Variants in EFHB observed in about 807,000 individuals in gnomAD.
EFHB encodes the protein EF-hand domain-containing family member B.
Under a neutral mutation model 87.2 loss-of-function variants are expected in EFHB, and 91 were observed. The observed-to-expected ratio is 1.04, with a 90% CI of 0.88 to 1.24. The LOEUF (loss-of-function observed/expected upper bound fraction) is 1.24, where lower values mean the gene tolerates loss of function less well. EFHB is among the 50% of genes most tolerant of loss of function. The pLI is 0.00. For missense variants in EFHB, 1,084 were observed against 998.8 expected, an observed-to-expected ratio of 1.09 and a Z score of -1.15; for synonymous variants, 325 against 333.6, an observed-to-expected ratio of 0.97 and a Z score of 0.28.
At chr3:19,939,141 A>G (rs1342152368), upstream of EFHB, among the ~76,000 whole-genome samples, 1 of 150,546 alleles carries the variant, frequency 6.6e-6, no homozygotes, top group African/African-American at 2.5e-5. Flanking sequence ...TCCTGACCTC[A>G]GGTGATCCAC....
At chr3:19,925,732 G>A (rs559669559) in intron 1 of EFHB, among the ~76,000 whole-genome samples, 35 of 152,144 alleles carry the variant, frequency 2.3e-4, no homozygotes, top group Non-Finnish European at 4.7e-4. Flanking sequence ...CAAGATTCAA[G>A]TCAACTCAGG....
rs927223569 is a variant in EFHB at position 19,917,389 on chromosome 3, A to G, written c.1177+843T>C. Among the ~76,000 whole-genome samples, 12 of 152,202 alleles carry G rather than the reference A, an allele frequency of 7.9e-5. 1 individual carries two copies. Among genetic ancestry groups the G allele is most frequent in the South Asian group, 2.1e-4 (1 of 4,836 alleles). ...GATTTTACATTCCAAAGTATAATCT[A>G]TCTTCAGAGTAGATGTCACTACCTT... On this transcript the variant is annotated intron_variant, in intron 4 of 12. Transcript: ENST00000295824.
At position 19,933,649 on chromosome 3, in the gene EFHB, G is replaced by A. The variant is rs113286461; in HGVS notation, c.370C>T (p.Arg124Trp). 3.7e-6 allele frequency: 6 copies of A among 1,613,828 alleles called. No individual in the cohort carries two copies. The highest frequency in any genetic ancestry group is 5.1e-6 in the Non-Finnish European group (6 of 1,179,904). The stretch of plus-strand genomic sequence containing the variant: ...CTGCCCAAAGGAGGCTGTATTATCC[G>A]TTCATGGGTATATCCTGCAAGAAGA... Reference protein sequence around the residue: ...ESLLAGYTHERIIQPPLGRVC... With the variant: ...ESLLAGYTHEWIIQPPLGRVC... Residue 124 changes from arginine (R) to tryptophan (W), a missense_variant, in exon 1 of 13, where the codon CGG becomes TGG. Transcript: ENST00000295824.
In EFHB at chr3:19,888,633, C is replaced by G. The variant is rs747406287; in HGVS notation, c.1744G>C (p.Asp582His). 3 of 1,605,956 alleles carry G rather than the reference C, an allele frequency of 1.9e-6. No individual in the cohort carries two copies. Among genetic ancestry groups the G allele is most frequent in the South Asian group, 1.1e-5 (1 of 89,134 alleles). Reference sequence around the variant, plus strand: ...CAAGCTTCCTGCAGCTCGTCTTTATCTATCATCCCATCTCCCTTCTGTTAT... The same window carrying G: ...CAAGCTTCCTGCAGCTCGTCTTTATGTATCATCCCATCTCCCTTCTGTTAT... ...HYDKKGDGMI[D>H]KDELQEACDQ... Residue 582 changes from aspartate to histidine, a missense_variant, in exon 10 of 13, where the codon GAT becomes CAT. By Grantham distance (81) the Asp-to-His change is moderately conservative (BLOSUM62 -1). Transcript: ENST00000295824.
At chr3:19,904,790 C>T (rs551212301) in intron 6 of EFHB, among the ~76,000 whole-genome samples, 4 of 152,298 alleles carry the variant, frequency 2.6e-5, no homozygotes, top group Non-Finnish European at 5.9e-5. Flanking sequence ...GCCATCAGGA[C>T]ATAGACATAT....
upstream of EFHB, among the ~76,000 whole-genome samples, chr3:19,935,141 C>G (rs1208319180): frequency 6.6e-6 from 1 of 152,110 alleles, no homozygotes; most frequent in Non-Finnish European, 1.5e-5. Context: ...AAACACCTGA[C>G]CTCAAGTGAT....
chr3:19,936,008 CA>C (rs751728589), upstream of EFHB: 58,551 of 538,432 alleles, frequency 0.11, no homozygotes, highest in East Asian at 0.17. Flanking sequence ...GACTCCATCT[CA>C]AAAAAAAAAA....
chr3:19,935,664 T>C (rs995466453), upstream of EFHB, among the ~76,000 whole-genome samples: 48 of 151,956 alleles, frequency 3.2e-4, no homozygotes, highest in Admixed American at 2.1e-3. Flanking sequence ...TGAGCCTTGA[T>C]GGTGCCACGA....
chr3:19,889,443 G>A (rs1694224090), intron 9 of EFHB, among the ~76,000 whole-genome samples: 1 of 152,092 alleles, frequency 6.6e-6, no homozygotes, highest in Non-Finnish European at 1.5e-5. Context: ...GGGAGCTTTG[G>A]CCCCCTCAGA....
intron 5 of EFHB, among the ~76,000 whole-genome samples, chr3:19,908,600 G>GA (rs1490691389): frequency 1.2e-4 from 12 of 97,276 alleles, no homozygotes; most frequent in African/African-American, 3.0e-4. Context: ...GAGAGAGAGA[G>GA]AAAGAAAGAA....
At chr3:19,903,274 T>C (rs1694732603) in intron 6 of EFHB, among the ~76,000 whole-genome samples, 1 of 152,136 alleles carries the variant, frequency 6.6e-6, no homozygotes, top group Admixed American at 6.5e-5. Context: ...AAGCATGCAC[T>C]GCACACTGTT....
At position 19,933,566 on chromosome 3, in the gene EFHB, A is replaced by G. The variant is rs763249128; in HGVS notation, c.453T>C (p.Pro151=). Residue 151 remains proline, a synonymous_variant, in exon 1 of 13, where the codon CCT becomes CCC. Coordinates refer to ENST00000295824, the MANE Select transcript of EFHB (RefSeq NM_144715.4). The stretch of plus-strand genomic sequence containing the variant: ...TTCCCACTAATTCCTCTACCCCTTC[A>G]GGGCCACTAGCCAAAGGAGCTCTCC... ...GSRRAPLASG[P]EGVEELVGKP... 62 of 1,613,956 alleles carry G rather than the reference A, an allele frequency of 3.8e-5. No homozygotes were observed. In the Admixed American group the frequency reaches 9.3e-4, roughly 24 times the overall value.
At chr3:19,908,594 G>GAA (rs1300095448) in intron 5 of EFHB, among the ~76,000 whole-genome samples, 1,576 of 90,818 alleles carry the variant, frequency 0.017, 15 homozygotes, top group East Asian at 0.038. Flanking sequence ...GAGAGAGAGA[G>GAA]AGAGAGAAAG....
At chr3:19,920,597 G>A in intron 1 of EFHB, 30 bp from the exon 2 acceptor site, 4 of 1,554,970 alleles carry the variant, frequency 2.6e-6, no homozygotes, top group Non-Finnish European at 3.5e-6. Flanking sequence ...GTTGATCATT[G>A]CCAGGGTGGA....
intron 10 of EFHB, among the ~76,000 whole-genome samples, chr3:19,888,229 T>G (rs1203909132): frequency 6.6e-6 from 1 of 152,034 alleles, no homozygotes; most frequent in African/African-American, 2.4e-5. Flanking sequence ...GAAGTCCATT[T>G]AAGAATTCAG....
upstream of EFHB, among the ~76,000 whole-genome samples, chr3:19,938,891 T>A (rs1696083515): frequency 6.6e-6 from 1 of 152,014 alleles, no homozygotes; most frequent in African/African-American, 2.4e-5. Flanking sequence ...CTGGGCTATT[T>A]TATGACTTTC....
chr3:19,919,020 G>C (rs1373514217), intron 3 of EFHB, among the ~76,000 whole-genome samples: 3 of 148,230 alleles, frequency 2.0e-5, no homozygotes, highest in African/African-American at 7.4e-5. Flanking sequence ...AAAATGAAAA[G>C]CACAAGAACC....
Position 19,939,496 on chromosome 3 carries a change from C to T in EFHB, c.-31-3162G>A, listed in dbSNP as rs989200660. On this transcript the variant is annotated intron_variant, in intron 1 of 14. Transcript: ENST00000344838. ...GCCTCCCGGGTTCACGCCATTCTCCCGCCTCAGCCTCTAGAGTAGCTGGGA... is the reference window on the plus strand; with the variant it reads ...GCCTCCCGGGTTCACGCCATTCTCCTGCCTCAGCCTCTAGAGTAGCTGGGA... Among the ~76,000 whole-genome samples the T allele has an allele frequency of 1.0e-4, 15 of 149,780 alleles. No individual in the cohort carries two copies. In the South Asian group the frequency reaches 1.1e-3, roughly 11 times the overall value.
chr3:19,922,335 T>C lies in EFHB; in HGVS notation c.790-1768A>G, dbSNP rs998616790. Among the ~76,000 whole-genome samples, 5 of 152,136 alleles carry C rather than the reference T, an allele frequency of 3.3e-5. No homozygotes were observed. In the South Asian group the frequency reaches 6.2e-4, roughly 19 times the overall value. ...AAGCTTGGATATGAAAATAGAAAGA[T>C]TGGTTGAAAGTGTGTATTCAGGGCA... On this transcript the variant is annotated intron_variant, in intron 1 of 12. Coordinates refer to ENST00000295824, the MANE Select transcript of EFHB (RefSeq NM_144715.4).
Sources: gnomAD v4.1 joint callset for allele counts (sites outside exome capture counted in the v4.1 genomes callset) on GRCh38, gnomAD v4.1.1 for gene constraint, MANE v1.5 for transcripts, NCBI Gene and HGNC (gene_info 2026-07-23, HGNC 2026-07-21) for gene names.